The following CADM2 variants were observed in gnomAD, a reference collection of about 807,000 sequenced individuals.
CADM2 encodes cell adhesion molecule 2.
A neutral mutation model predicts 49.8 loss-of-function variants in CADM2; 12 were observed. The ratio of observed to expected loss-of-function variants is 0.24; its 90% CI spans 0.15 to 0.39. The LOEUF (loss-of-function observed/expected upper bound fraction) is 0.39, where lower values mean the gene tolerates loss of function less well. Ranked by LOEUF, CADM2 falls within the 10% of genes least tolerant of loss-of-function variation. The pLI, the probability that CADM2 is intolerant of heterozygous loss-of-function variation, is 1.00. For missense variants in CADM2, 378 were observed against 492.3 expected (o/e 0.77, Z 2.20); for synonymous variants, 214 against 175.4 (o/e 1.22, Z -1.74).
chr3:85,624,788 T>C (rs1328333602), intron 1 of CADM2, among the ~76,000 whole-genome samples: 2 of 152,166 alleles, frequency 1.3e-5, no homozygotes, highest in Non-Finnish European at 2.9e-5. Context: ...GATATTTACT[T>C]TATTTTTTGA....
intron 1 of CADM2, among the ~76,000 whole-genome samples, chr3:85,628,001 C>T (rs1265196877): frequency 6.6e-6 from 1 of 151,964 alleles, no homozygotes; most frequent in Admixed American, 6.6e-5. Context: ...GCAAACACTT[C>T]CCCAAGTGCT....
intron 1 of CADM2, among the ~76,000 whole-genome samples, chr3:85,723,561 C>T (rs1325556799): frequency 6.6e-6 from 1 of 152,022 alleles, no homozygotes; most frequent in Non-Finnish European, 1.5e-5. Context: ...ATTATATTAA[C>T]CTAGTCTAGT....
At chr3:85,447,605 C>CA (rs2037529863) in intron 1 of CADM2, among the ~76,000 whole-genome samples, 1 of 152,098 alleles carries the variant, frequency 6.6e-6, no homozygotes, top group Non-Finnish European at 1.5e-5. Context: ...GTTGTGGCTA[C>CA]AAAAAATTGC....
At chr3:85,095,958 G>A (rs1321109682) in intron 1 of CADM2, among the ~76,000 whole-genome samples, 2 of 151,914 alleles carry the variant, frequency 1.3e-5, no homozygotes, top group Non-Finnish European at 2.9e-5. Flanking sequence ...GCTCGCTGAA[G>A]GACTCCCAAG....
chr3:85,098,120 TTGTC>T (rs2037872560), intron 1 of CADM2, among the ~76,000 whole-genome samples: 1 of 152,292 alleles, frequency 6.6e-6, no homozygotes, highest in African/African-American at 2.4e-5. Context: ...GCATTAGTCT[TTGTC>T]TGCATGATAA....
intron 1 of CADM2, among the ~76,000 whole-genome samples, chr3:85,425,569 G>A (rs530077461): frequency 6.6e-6 from 1 of 152,020 alleles, no homozygotes; most frequent in Admixed American, 6.6e-5. Context: ...ATATATTCTC[G>A]CTATGGTGCT....
intron 1 of CADM2, among the ~76,000 whole-genome samples, chr3:85,702,303 T>C (rs2066804915): frequency 6.6e-6 from 1 of 152,126 alleles, no homozygotes; most frequent in East Asian, 1.9e-4. Context: ...CCAATTCTTT[T>C]TTTATTTTTT....
chr3:85,641,361 T>A (rs145566882), intron 1 of CADM2, among the ~76,000 whole-genome samples: 2 of 152,350 alleles, frequency 1.3e-5, no homozygotes, highest in African/African-American at 4.8e-5. Flanking sequence ...CACGTAGAAC[T>A]ATAGTGAGAA....
chr3:86,050,475 C>T (rs1467557567), intron 8 of CADM2, among the ~76,000 whole-genome samples: 1 of 152,180 alleles, frequency 6.6e-6, no homozygotes, highest in Non-Finnish European at 1.5e-5. Context: ...CAGAGCTCCA[C>T]TAGGCAGTGC....
chr3:85,797,481 T>C (rs1380397207), intron 2 of CADM2, among the ~76,000 whole-genome samples: 2 of 152,146 alleles, frequency 1.3e-5, no homozygotes, highest in African/African-American at 4.8e-5. Flanking sequence ...ATTGTTCAAC[T>C]CCCACTTATG....
intron 1 of CADM2, among the ~76,000 whole-genome samples, chr3:85,355,122 A>G (rs1289641765): frequency 6.6e-6 from 1 of 152,062 alleles, no homozygotes; most frequent in Non-Finnish European, 1.5e-5. Flanking sequence ...GCCAAAACCA[A>G]TCCAGGACGG....
Position 85,915,710 on chromosome 3 carries a change from G to A in CADM2, c.700+3167G>A, listed in dbSNP as rs564195869. ...CTCAGCCTTGGAAACGAAGAAGATG[G>A]GTTAATCTGGGATTTATGGAGCATA... On this transcript the variant is annotated intron_variant, in intron 6 of 9. Transcript: ENST00000383699. Among the ~76,000 whole-genome samples the A allele has an allele frequency of 4.6e-5, 7 of 152,118 alleles. No individual in the cohort carries two copies. In the East Asian group the frequency reaches 1.4e-3, roughly 29 times the overall value.
At position 85,427,160 on chromosome 3, in the gene CADM2, CTATATATATA is replaced by C. The variant is rs35485915; in HGVS notation, c.62-299330_62-299321del. 2.2e-3 allele frequency among the ~76,000 whole-genome samples: 255 copies of C among 113,692 alleles called. 3 individuals carry two copies. The highest frequency in any genetic ancestry group is 0.011 in the African/African-American group (222 of 20,464). The allele number at this position is 113,692 out of a possible 152,430, so 74.6% of individuals were successfully genotyped here. A position where few individuals can be genotyped will look rare whatever the true frequency, so the allele number is the denominator to read the frequency against. On this transcript the variant is annotated intron_variant, in intron 1 of 9. Transcript: ENST00000383699. Reference sequence around the variant, plus strand: ...AACATTACTCACTGATGTATTGGAACTATATATATATATATATATATATATATATATATAT... The same window carrying C: ...AACATTACTCACTGATGTATTGGAACTATATATATATATATATATATATAT...
intron 3 of CADM2, among the ~76,000 whole-genome samples, chr3:85,808,441 A>G (rs1018630144): frequency 6.6e-6 from 1 of 152,130 alleles, no homozygotes; most frequent in African/African-American, 2.4e-5. Flanking sequence ...TGGTATTGGC[A>G]ATGGAAAAAA....
At chr3:85,736,046 A>G (rs1042834739) in intron 2 of CADM2, among the ~76,000 whole-genome samples, 2 of 152,148 alleles carry the variant, frequency 1.3e-5, no homozygotes, top group Non-Finnish European at 2.9e-5. Context: ...GAAAGCAAAA[A>G]TGTTAGGACT....
chr3:84,974,390 G>A (rs181611371), intron 1 of CADM2, among the ~76,000 whole-genome samples: 26 of 151,940 alleles, frequency 1.7e-4, no homozygotes, highest in Admixed American at 3.3e-4. Flanking sequence ...ACTTTCTTTT[G>A]GTTTTAAAAG....
chr3:85,430,317 A>G (rs1489788415), intron 1 of CADM2, among the ~76,000 whole-genome samples: 2 of 152,022 alleles, frequency 1.3e-5, no homozygotes, highest in African/African-American at 4.8e-5. Flanking sequence ...CATGTTTCCT[A>G]TTTAGAAGAA....
At chr3:85,306,371 CT>C (rs2044213037) in intron 1 of CADM2, among the ~76,000 whole-genome samples, 1 of 151,638 alleles carries the variant, frequency 6.6e-6, no homozygotes, top group Middle Eastern at 3.2e-3. Flanking sequence ...AAATTATTGA[CT>C]TCATCAATCT....
intron 2 of CADM2, among the ~76,000 whole-genome samples, chr3:85,786,105 A>G (rs2070972215): frequency 6.6e-6 from 1 of 152,066 alleles, no homozygotes; most frequent in African/African-American, 2.4e-5. Context: ...TTTTCCAGGT[A>G]TCATTTTGCA....
Sources: allele counts gnomAD v4.1 joint callset (sites outside exome capture counted in the v4.1 genomes callset), GRCh38; gene constraint gnomAD v4.1.1; transcripts MANE v1.5; gene names NCBI Gene and HGNC (gene_info 2026-07-23, HGNC 2026-07-21).